Variants in LRRC37A2 observed in about 807,000 individuals in gnomAD.
The protein encoded by LRRC37A2 is leucine rich repeat containing 37 member A2.
In LRRC37A2, 9 loss-of-function variants were observed where a neutral mutation model predicts 68.8. The ratio of observed to expected loss-of-function variants is 0.13; its 90% CI spans 0.08 to 0.23. The LOEUF (loss-of-function observed/expected upper bound fraction) is 0.23. Among genes scored for constraint, LRRC37A2 ranks in the 10% least tolerant of loss-of-function variants. The pLI is 1.00. For synonymous variants in LRRC37A2, 63 were observed against 367.6 expected, an observed-to-expected ratio of 0.17 and a Z score of 9.48; for missense variants, 168 against 950.4, an observed-to-expected ratio of 0.18 and a Z score of 10.82.
chr17:46,862,451 C>A, the LRRC37A2 span, among the ~76,000 whole-genome samples: 1 of 152,026 alleles, frequency 6.6e-6, no homozygotes, highest in South Asian at 2.1e-4. Context: ...GAGTTCACCA[C>A]AATTGTTAAA....
the LRRC37A2 span, chr17:47,028,396 T>G: frequency 8.0e-7 from 1 of 1,248,232 alleles, no homozygotes; most frequent in African/African-American, 1.5e-5. Flanking sequence ...TGTAAACAAC[T>G]ATTTATCTAC....
chr17:46,779,019 T>G, the LRRC37A2 span, among the ~76,000 whole-genome samples: 2 of 145,064 alleles, frequency 1.4e-5, no homozygotes, highest in Admixed American at 7.1e-5. Context: ...GTAGTGGTAG[T>G]GTTTTCTCCA....
chr17:46,770,071 C>A, the LRRC37A2 span: 1 of 1,527,696 alleles, frequency 6.5e-7, no homozygotes, highest in Non-Finnish European at 8.8e-7. Flanking sequence ...CGTGGGGAGG[C>A]AGCACTCAGG....
chr17:46,984,678 C>T, the LRRC37A2 span, among the ~76,000 whole-genome samples: 26 of 152,306 alleles, frequency 1.7e-4, no homozygotes, highest in Non-Finnish European at 3.5e-4. Flanking sequence ...TCCCCCTCCT[C>T]CAGATCTCAA....
At chr17:46,783,595 T>C in the LRRC37A2 span, among the ~76,000 whole-genome samples, 9 of 152,294 alleles carry the variant, frequency 5.9e-5, no homozygotes, top group Non-Finnish European at 1.2e-4. Flanking sequence ...CCCAAGGCAC[T>C]TGTAACTTTC....
the LRRC37A2 span, among the ~76,000 whole-genome samples, chr17:47,022,421 T>C: frequency 6.7e-6 from 1 of 150,312 alleles, no homozygotes; most frequent in African/African-American, 2.4e-5. Flanking sequence ...CCTCCCACCT[T>C]GGCCTCTTAA....
chr17:46,826,635 A>G, the LRRC37A2 span, among the ~76,000 whole-genome samples: 33 of 152,208 alleles, frequency 2.2e-4, 1 homozygote, highest in African/African-American at 8.0e-4. Context: ...CTGCTTCATC[A>G]ACTGCAAAAT....
chr17:46,833,745 C>A, the LRRC37A2 span, among the ~76,000 whole-genome samples: 1 of 152,188 alleles, frequency 6.6e-6, no homozygotes, highest in African/African-American at 2.4e-5. Flanking sequence ...GGAAAACAGG[C>A]CTGCCCGGGG....
the LRRC37A2 span, among the ~76,000 whole-genome samples, chr17:46,902,999 G>A: frequency 6.6e-6 from 1 of 152,130 alleles, no homozygotes; most frequent in Non-Finnish European, 1.5e-5. Flanking sequence ...ATTCAAGAAG[G>A]GGCCAGGTGT....
the LRRC37A2 span, among the ~76,000 whole-genome samples, chr17:46,901,827 G>A: frequency 9.4e-6 from 1 of 106,874 alleles, no homozygotes; most frequent in Non-Finnish European, 1.7e-5. Context: ...TTTTTTTTGA[G>A]ACAGAGTCTC....
the LRRC37A2 span, among the ~76,000 whole-genome samples, chr17:46,794,180 A>G: frequency 1.3e-5 from 2 of 152,096 alleles, no homozygotes; most frequent in Non-Finnish European, 2.9e-5. Flanking sequence ...TGGATAAACC[A>G]CAAGACCTCA....
chr17:46,944,008 A>G, the LRRC37A2 span, among the ~76,000 whole-genome samples: 1 of 152,074 alleles, frequency 6.6e-6, no homozygotes, highest in African/African-American at 2.4e-5. Flanking sequence ...TGGCTTAGCA[A>G]TTCCATTAGT....
At chr17:46,822,431 A>G in the LRRC37A2 span, among the ~76,000 whole-genome samples, 1 of 152,250 alleles carries the variant, frequency 6.6e-6, no homozygotes, top group Non-Finnish European at 1.5e-5. Context: ...GGTAAGCACC[A>G]GATGTTAATC....
the LRRC37A2 span, among the ~76,000 whole-genome samples, chr17:46,967,659 G>A: frequency 6.6e-5 from 10 of 152,114 alleles, no homozygotes; most frequent in East Asian, 3.8e-4. Flanking sequence ...GAAATGGGCC[G>A]GTGCAGAGGG....
chr17:46,495,621 G>A, the LRRC37A2 span, among the ~76,000 whole-genome samples: 1 of 150,990 alleles, frequency 6.6e-6, no homozygotes, highest in African/African-American at 2.5e-5. Flanking sequence ...CTGACCTCAG[G>A]TGATTCGTCT....
At chr17:46,532,879 T>C (rs988551801) in intron 6 of LRRC37A2, among the ~76,000 whole-genome samples, 10 of 149,020 alleles carry the variant, frequency 6.7e-5, no homozygotes, top group African/African-American at 2.3e-4. Context: ...GGTGGGAGGA[T>C]TGCTTGACCC....
At chr17:46,490,346 A>G in the LRRC37A2 span, among the ~76,000 whole-genome samples, 2 of 151,160 alleles carry the variant, frequency 1.3e-5, no homozygotes, top group Admixed American at 1.3e-4. Context: ...AGCTCTTGAC[A>G]TTCTTTAGTC....
chr17:46,709,604 C>T, the LRRC37A2 span, among the ~76,000 whole-genome samples: 1 of 151,938 alleles, frequency 6.6e-6, no homozygotes, highest in East Asian at 1.9e-4. Flanking sequence ...AAGCAATTCT[C>T]CTACCTCAGC....
At chr17:46,978,947 C>A in the LRRC37A2 span, 3 of 1,454,036 alleles carry the variant, frequency 2.1e-6, no homozygotes, top group Admixed American at 2.7e-5. Context: ...GCGGCCCCGG[C>A]GCCGCCGCCC....
Sources: gnomAD v4.1 joint callset for allele counts (sites outside exome capture counted in the v4.1 genomes callset) on GRCh38, gnomAD v4.1.1 for gene constraint, MANE v1.5 for transcripts, NCBI Gene and HGNC (gene_info 2026-07-23, HGNC 2026-07-21) for gene names.